The following RAD51C variants were observed in gnomAD, a reference collection of about 807,000 sequenced individuals.
The protein encoded by RAD51C is DNA repair protein RAD51 homolog 3.
A neutral mutation model predicts 45.0 loss-of-function variants in RAD51C; 42 were observed. The observed-to-expected ratio is 0.93, with a 90% CI of 0.73 to 1.21. The LOEUF (loss-of-function observed/expected upper bound fraction) is 1.21, where lower values mean the gene tolerates loss of function less well. Among genes scored for constraint, RAD51C ranks in the 50% most tolerant of loss-of-function variants. The pLI is 0.00. For missense variants in RAD51C, 474 were observed against 452.2 expected, an observed-to-expected ratio of 1.05 and a Z score of -0.44; for synonymous variants, 172 against 159.8, an observed-to-expected ratio of 1.08 and a Z score of -0.58.
chr17:58,706,527 G>A (rs1248762133), intron 4 of RAD51C: 7 of 463,068 alleles, frequency 1.5e-5, no homozygotes, highest in Non-Finnish European at 3.1e-5. Context: ...TGCTCTGTGG[G>A]GTGGCCCTGC....
intron 4 of RAD51C, among the ~76,000 whole-genome samples, chr17:58,709,479 C>T (rs2048479866): frequency 6.6e-6 from 1 of 151,978 alleles, no homozygotes; most frequent in Non-Finnish European, 1.5e-5. Context: ...TGTAACTTTC[C>T]AAAAGAAAGC....
At chr17:58,694,757 G>C in intron 1 of RAD51C, 174 bp from the exon 2 acceptor site, 1 of 711,240 alleles carries the variant, frequency 1.4e-6, no homozygotes, top group Non-Finnish European at 2.4e-6. Flanking sequence ...TTTTAGGCAT[G>C]AGCCACTGTG....
chr17:58,693,128 C>T (rs1175870455), intron 1 of RAD51C: 3 of 309,088 alleles, frequency 9.7e-6, no homozygotes, highest in Admixed American at 5.0e-5. Flanking sequence ...GGTAACTTTT[C>T]ATGCTAACTG....
intron 1 of RAD51C, chr17:58,694,534 G>T: frequency 5.0e-6 from 1 of 199,566 alleles, no homozygotes; most frequent in East Asian, 1.3e-4. Context: ...AGGCTGGAAT[G>T]CAGTGGTGCG....
intron 7 of RAD51C, among the ~76,000 whole-genome samples, chr17:58,729,789 C>G (rs1346239012): frequency 1.3e-5 from 2 of 151,842 alleles, no homozygotes; most frequent in Admixed American, 6.6e-5. Context: ...CCAGGCTGGT[C>G]TCGGATGCCT....
intron 5 of RAD51C, among the ~76,000 whole-genome samples, chr17:58,714,126 A>T (rs2048650710): frequency 6.6e-6 from 1 of 151,906 alleles, no homozygotes; most frequent in African/African-American, 2.4e-5. Context: ...CTGGGATTAC[A>T]GGCGTGCACC....
At chr17:58,695,292 T>C in intron 2 of RAD51C, 103 bp downstream of exon 2, 2 of 1,465,082 alleles carry the variant, frequency 1.4e-6, no homozygotes, top group Non-Finnish European at 1.8e-6. Flanking sequence ...ATATGTGCTC[T>C]TAATTTTAAG....
chr17:58,695,938 A>C (rs369410972), intron 2 of RAD51C, among the ~76,000 whole-genome samples: 1 of 151,926 alleles, frequency 6.6e-6, no homozygotes, highest in South Asian at 2.1e-4. Context: ...ATGGTGGTTC[A>C]CGCCTATAGT....
At chr17:58,711,003 C>T (rs977488927) in intron 5 of RAD51C, among the ~76,000 whole-genome samples, 4 of 152,138 alleles carry the variant, frequency 2.6e-5, no homozygotes, top group African/African-American at 9.7e-5. Context: ...AAAGAACTTC[C>T]TCAGTAAAGT....
At position 58,734,519 on chromosome 17, in the gene RAD51C, C is replaced by T. The variant is rs772954427; in HGVS notation, c.*297C>T. ...GGCCAGTCTGAATTTACCATTCATA[C>T]TGTTTTCACCCCTTTCTTTCCCAGT... On this transcript the variant is annotated 3_prime_UTR_variant, in exon 9 of 9. Transcript: ENST00000337432. The T allele has an allele frequency of 9.1e-5, 37 of 407,998 alleles. No individual in the cohort carries two copies. Among genetic ancestry groups the T allele is most frequent in the Non-Finnish European group, 1.4e-4 (32 of 226,766 alleles). The allele number at this position is 407,998 out of a possible 1,614,324, so 25.3% of individuals were successfully genotyped here.
chr17:58,734,557 C>CT lies in RAD51C; in HGVS notation c.*337dup, dbSNP rs2049576711. On this transcript the variant is annotated 3_prime_UTR_variant, in exon 9 of 9. Coordinates refer to ENST00000337432, the MANE Select transcript of RAD51C (RefSeq NM_058216.3). The stretch of plus-strand genomic sequence containing the variant: ...TTTCTTTCCCAGTTGCCTATAAAAT[C>CT]TTAGGAAGAAACATATCATATTCTT... The CT allele has an allele frequency of 2.6e-5, 7 of 267,914 alleles. No individual in the cohort carries two copies. The South Asian group carries it at 3.8e-4, about 14-fold the overall frequency. 16.6% of individuals were successfully genotyped at this position (267,914 alleles called of 1,614,324 possible). A position where few individuals can be genotyped will look rare whatever the true frequency, so the allele number is the denominator to read the frequency against.
intron 4 of RAD51C, among the ~76,000 whole-genome samples, chr17:58,707,428 G>A (rs1598480522): frequency 2.0e-5 from 3 of 151,940 alleles, no homozygotes; most frequent in Middle Eastern, 3.4e-3. Flanking sequence ...AGTCTGAGGC[G>A]GGAGAATTGC....
chr17:58,730,401 A>G lies in RAD51C; in HGVS notation c.966-2083A>G, dbSNP rs1439928729. 3.5e-5 allele frequency among the ~76,000 whole-genome samples: 5 copies of G among 144,244 alleles called. No homozygotes were observed. In the East Asian group the frequency reaches 1.0e-3, roughly 29 times the overall value. 94.6% of individuals were successfully genotyped at this position (144,244 alleles called of 152,430 possible). On this transcript the variant is annotated intron_variant, in intron 7 of 8. Coordinates refer to ENST00000337432, the MANE Select transcript of RAD51C (RefSeq NM_058216.3). Reference sequence around the variant, plus strand: ...ACCGTGTTGGCCAGGCTGGTCTTGAACTCCTGACCTCGTGATCTGCCTGCC... The same window carrying G: ...ACCGTGTTGGCCAGGCTGGTCTTGAGCTCCTGACCTCGTGATCTGCCTGCC...
intron 2 of RAD51C, 141 bp downstream of exon 2, chr17:58,695,330 C>A: frequency 7.1e-7 from 1 of 1,407,068 alleles, no homozygotes; most frequent in Non-Finnish European, 9.2e-7. Flanking sequence ...CAAAAATTAG[C>A]TTACTATTTG....
At chr17:58,720,630 G>C in intron 5 of RAD51C, 116 bp from the exon 6 acceptor site, 1 of 747,680 alleles carries the variant, frequency 1.3e-6, no homozygotes, top group Non-Finnish European at 2.3e-6. Context: ...ATGCCACCAT[G>C]TCTGGTTAAT....
intron 6 of RAD51C, among the ~76,000 whole-genome samples, chr17:58,721,971 T>C (rs1028241094): frequency 3.9e-5 from 6 of 152,230 alleles, no homozygotes; most frequent in African/African-American, 1.4e-4. Flanking sequence ...GCTGTTTTTG[T>C]CATTTTCTAT....
intron 5 of RAD51C, among the ~76,000 whole-genome samples, chr17:58,717,682 G>A (rs2048787910): frequency 1.3e-5 from 2 of 152,158 alleles, no homozygotes; most frequent in Admixed American, 6.5e-5. Context: ...GTTGCAGTGA[G>A]CCAAGATCAT....
At chr17:58,712,540 G>A (rs1201590144) in intron 5 of RAD51C, among the ~76,000 whole-genome samples, 1 of 152,032 alleles carries the variant, frequency 6.6e-6, no homozygotes, top group Non-Finnish European at 1.5e-5. Context: ...GAGGTCATAG[G>A]CCAGGTGTGG....
At chr17:58,718,004 C>CT (rs1018587979) in intron 5 of RAD51C, among the ~76,000 whole-genome samples, 48 of 151,152 alleles carry the variant, frequency 3.2e-4, no homozygotes, top group African/African-American at 1.0e-3. Flanking sequence ...TTTTCTTTTT[C>CT]TTTTTTTTTG....
Sources: gnomAD v4.1 joint callset for allele counts (sites outside exome capture counted in the v4.1 genomes callset) on GRCh38, gnomAD v4.1.1 for gene constraint, MANE v1.5 for transcripts, NCBI Gene and HGNC (gene_info 2026-07-23, HGNC 2026-07-21) for gene names.